The following NAP1L4 variants were observed in gnomAD, a reference collection of about 807,000 sequenced individuals.
NAP1L4 encodes the protein nucleosome assembly protein 1 like 4.
A neutral mutation model predicts 58.2 loss-of-function variants in NAP1L4; 15 were observed. The observed-to-expected ratio is 0.26, with a 90% confidence interval of 0.17 to 0.40. NAP1L4 has a LOEUF of 0.40. Ranked by LOEUF, NAP1L4 falls within the 10% of genes least tolerant of loss-of-function variation. NAP1L4 has a pLI of 1.00. For synonymous variants in NAP1L4, 171 were observed against 155.6 expected (o/e 1.10, Z -0.74); for missense variants, 384 against 451.1 (o/e 0.85, Z 1.35).
chr11:2,980,035 G>A (rs1209438587), intron 1 of NAP1L4, among the ~76,000 whole-genome samples: 1 of 151,660 alleles, frequency 6.6e-6, no homozygotes, highest in African/African-American at 2.4e-5. Context: ...TATTGCTTGT[G>A]TAAAAACCTT....
In NAP1L4 at chr11:2,976,079, C is replaced by A; in HGVS notation, c.118G>T (p.Ala40Ser). The A allele has an allele frequency of 1.2e-6, 2 of 1,614,044 alleles. No individual in the cohort carries two copies. Among genetic ancestry groups the A allele is most frequent in the South Asian group, 1.1e-5 (1 of 91,068 alleles). ...QVMQNPRVLA[A>S]LQERLDNVPH... ...ACATTGTCAAGTCGCTCCTGTAAAG[C>A]TGCCAGAACTCGAGGATTCTGCATC... The change falls in exon 4 of 16, where the codon GCT becomes TCT. Residue 40 changes from alanine (A) to serine (S), a missense_variant. Coordinates refer to ENST00000380542, the MANE Select transcript of NAP1L4 (RefSeq NM_005969.4).
chr11:2,970,719 G>C (rs942569992), intron 6 of NAP1L4, among the ~76,000 whole-genome samples: 2 of 152,138 alleles, frequency 1.3e-5, no homozygotes, highest in African/African-American at 4.8e-5. Flanking sequence ...AGCAAAGGCA[G>C]ATTTCCCTTG....
Position 2,949,221 on chromosome 11 carries a change from C to A in NAP1L4, c.*32+6G>T, listed in dbSNP as rs760304276. The stretch of plus-strand genomic sequence containing the variant: ...GAAGTTAGGTATGAATGGAATTCCA[C>A]CTTACCTAGAAACGTATGAATGATT... On this transcript the variant is annotated splice_donor_region_variant and intron_variant, in intron 15 of 15. Transcript: ENST00000380542. The surrounding 1 kb of genome is among the most constrained non-coding windows in gnomAD (Gnocchi z 4.0). The A allele has an allele frequency of 4.4e-6, 7 of 1,585,502 alleles. No homozygotes were observed. The highest frequency in any genetic ancestry group is 5.2e-6 in the Non-Finnish European group (6 of 1,154,342).
intron 10 of NAP1L4, among the ~76,000 whole-genome samples, chr11:2,957,542 T>C (rs116910736): frequency 0.015 from 2,326 of 152,338 alleles, 33 homozygotes; most frequent in East Asian, 0.032. Flanking sequence ...TGGCATCTCT[T>C]CACTTCAAAT....
intron 1 of NAP1L4, among the ~76,000 whole-genome samples, chr11:2,982,643 C>T (rs1848395466): frequency 6.6e-6 from 1 of 152,298 alleles, no homozygotes; most frequent in East Asian, 1.9e-4. Flanking sequence ...AACATGCATT[C>T]GTGTTTCAAA....
In NAP1L4 at chr11:2,951,384, A is replaced by C. The variant is rs1461887025; in HGVS notation, c.1066-69T>G. The stretch of plus-strand genomic sequence containing the variant: ...ACTCTTGTGGCATTCACAATCCACA[A>C]ACACAAGGAGCAAAACACTGCCTTA... On this transcript the variant is annotated intron_variant, in intron 13 of 15. Transcript: ENST00000380542. This position sits in a 1 kb window ranked among gnomAD's most constrained non-coding sequence, Gnocchi z 4.0. 5 of 1,388,196 alleles carry C rather than the reference A, an allele frequency of 3.6e-6. No individual in the cohort carries two copies. Among genetic ancestry groups the C allele is most frequent in the Non-Finnish European group, 3.1e-6 (3 of 975,590 alleles). 86.0% of individuals were successfully genotyped at this position (1,388,196 alleles called of 1,614,324 possible).
rs142635849 is a variant in NAP1L4, at chr11:2,949,506, C to T, written c.1123-242G>A. Among the ~76,000 whole-genome samples, 86 of 152,296 alleles carry T rather than the reference C, an allele frequency of 5.6e-4. No individual in the cohort carries two copies. The highest frequency in any genetic ancestry group is 9.0e-4 in the Non-Finnish European group (61 of 68,020). On this transcript the variant is annotated intron_variant, in intron 14 of 15. Coordinates refer to ENST00000380542, the MANE Select transcript of NAP1L4 (RefSeq NM_005969.4). This position sits in a 1 kb window ranked among gnomAD's most constrained non-coding sequence, Gnocchi z 4.0. ...TTCCTTCCTTGTTTTCTTTTGCTTGCACAGACTCTAACACTGCCCATCTCT... is the reference window on the plus strand; with the variant it reads ...TTCCTTCCTTGTTTTCTTTTGCTTGTACAGACTCTAACACTGCCCATCTCT...
chr11:2,951,444 C>G lies in NAP1L4; in HGVS notation c.1066-129G>C. ...CAATTACTGCTACCCACAAGTGACT[C>G]ATCACTTCCTTTGGACACTTAGAAT... On this transcript the variant is annotated intron_variant, in intron 13 of 15. Coordinates refer to ENST00000380542, the MANE Select transcript of NAP1L4 (RefSeq NM_005969.4). This position sits in a 1 kb window ranked among gnomAD's most constrained non-coding sequence, Gnocchi z 4.0. The G allele has an allele frequency of 1.2e-5, 9 of 780,348 alleles. No homozygotes were observed. The highest frequency in any genetic ancestry group is 1.8e-5 in the Non-Finnish European group (8 of 451,452). The allele number at this position is 780,348 out of a possible 1,614,324, so 48.3% of individuals were successfully genotyped here.
chr11:2,976,987 G>T (rs901831323), intron 3 of NAP1L4, among the ~76,000 whole-genome samples: 1 of 152,080 alleles, frequency 6.6e-6, no homozygotes, highest in African/African-American at 2.4e-5. Context: ...CTCCCATCCC[G>T]AGTATTCTCC....
chr11:2,972,558 C>T lies in NAP1L4; in HGVS notation c.174-315G>A, dbSNP rs1847702595. ...CCTTACCAAATTGGCAATTAAAAAC[C>T]AAAACAAAACACCCAGGTTTTACGA... On this transcript the variant is annotated intron_variant, in intron 4 of 15. Coordinates refer to ENST00000380542, the MANE Select transcript of NAP1L4 (RefSeq NM_005969.4). Among the ~76,000 whole-genome samples the T allele has an allele frequency of 2.0e-5, 3 of 152,124 alleles. No individual in the cohort carries two copies. In the South Asian group the frequency reaches 6.2e-4, roughly 32 times the overall value.
chr11:2,987,600 T>C (rs1354128988), intron 1 of NAP1L4, among the ~76,000 whole-genome samples: 1 of 150,718 alleles, frequency 6.6e-6, no homozygotes, highest in Non-Finnish European at 1.5e-5. Context: ...ACTAAAAAGA[T>C]ACAAAAATTA....
At chr11:2,973,418 T>G (rs924004169) in intron 4 of NAP1L4, among the ~76,000 whole-genome samples, 6 of 152,288 alleles carry the variant, frequency 3.9e-5, no homozygotes, top group African/African-American at 1.4e-4. Flanking sequence ...GGCAGGGCCC[T>G]GGGTCCTGCA....
rs147467448 is a variant in NAP1L4 at position 2,959,452 on chromosome 11, G to T, written c.746+318C>A. ...ATTTATTTGCTGAGGGTAATCCATG[G>T]ATTCAATTTTAAGAACTTCAATTCA... is the stretch of plus-strand genomic sequence containing the variant. On this transcript the variant is annotated intron_variant, in intron 9 of 15. Transcript: ENST00000380542. The surrounding 1 kb of genome is among the most constrained non-coding windows in gnomAD (Gnocchi z 4.9). Among the ~76,000 whole-genome samples the T allele has an allele frequency of 3.1e-3, 479 of 152,218 alleles. 4 individuals are homozygous for T. Among genetic ancestry groups the T allele is most frequent in the African/African-American group, 0.01 (433 of 41,504 alleles).
At chr11:2,985,929 G>C (rs1438447916) in intron 1 of NAP1L4, among the ~76,000 whole-genome samples, 3 of 152,150 alleles carry the variant, frequency 2.0e-5, no homozygotes, top group Non-Finnish European at 4.4e-5. Context: ...ATTTATATTA[G>C]TCACTGTAAC....
At chr11:2,968,693 T>C (rs1043078871) in intron 7 of NAP1L4, among the ~76,000 whole-genome samples, 8 of 152,196 alleles carry the variant, frequency 5.3e-5, no homozygotes, top group African/African-American at 1.4e-4. Context: ...ACAGTGCCTA[T>C]GCTCTGTGAT....
intron 7 of NAP1L4, among the ~76,000 whole-genome samples, 197 bp from the exon 8 acceptor site, chr11:2,964,948 G>A (rs1288694028): frequency 6.6e-6 from 1 of 152,194 alleles, no homozygotes; most frequent in East Asian, 1.9e-4. Context: ...CAGCACCAAG[G>A]TGTCCCCTTT....
intron 8 of NAP1L4, among the ~76,000 whole-genome samples, chr11:2,963,323 C>T (rs977159044): frequency 6.6e-6 from 1 of 152,102 alleles, no homozygotes; most frequent in African/African-American, 2.4e-5. Context: ...ACTAGGCAGA[C>T]GTGCCCAGGC....
chr11:2,978,564 G>C (rs142422821), intron 2 of NAP1L4, among the ~76,000 whole-genome samples: 1 of 152,164 alleles, frequency 6.6e-6, no homozygotes, highest in African/African-American at 2.4e-5. Flanking sequence ...CAAACATAAA[G>C]CCCTACAAAG....
At chr11:2,983,333 A>C (rs1362928583) in intron 1 of NAP1L4, among the ~76,000 whole-genome samples, 2 of 152,198 alleles carry the variant, frequency 1.3e-5, no homozygotes, top group African/African-American at 4.8e-5. Context: ...TGATTCACTC[A>C]ATTTTCATTT....
Sources: gnomAD v4.1 joint callset for allele counts (sites outside exome capture counted in the v4.1 genomes callset) on GRCh38, gnomAD v4.1.1 for gene constraint, Gnocchi (gnomAD v3.1) non-coding constraint, MANE v1.5 for transcripts, NCBI Gene and HGNC (gene_info 2026-07-23, HGNC 2026-07-21) for gene names.